Variants in MROH7 observed in about 807,000 individuals in gnomAD.
MROH7 encodes the protein maestro heat like repeat family member 7.
A neutral mutation model predicts 129.2 loss-of-function variants in MROH7; 113 were observed. That is an observed-to-expected ratio of 0.87 (90% confidence interval 0.75 to 1.02). MROH7 has a LOEUF of 1.02. MROH7 is among the 50% of genes least tolerant of loss of function. MROH7 has a pLI of 0.00. For missense variants in MROH7, 1,601 were observed against 1,671.3 expected (o/e 0.96, Z 0.73); for synonymous variants, 655 against 667.9 (o/e 0.98, Z 0.30).
intron 1 of MROH7, among the ~76,000 whole-genome samples, chr1:54,648,391 G>T (rs1287452712): frequency 6.7e-6 from 1 of 148,596 alleles, no homozygotes; most frequent in African/African-American, 2.5e-5. Flanking sequence ...TTGAGACGGA[G>T]TTTCGCTCCT....
intron 15 of MROH7, among the ~76,000 whole-genome samples, chr1:54,692,045 T>G (rs922646680): frequency 3.3e-5 from 5 of 152,124 alleles, no homozygotes; most frequent in Admixed American, 3.3e-4. Flanking sequence ...GTGCTGCTGC[T>G]GGGTATGCAG....
intron 1 of MROH7, among the ~76,000 whole-genome samples, chr1:54,651,018 C>T (rs1219733707): frequency 6.6e-6 from 1 of 152,200 alleles, no homozygotes; most frequent in Non-Finnish European, 1.5e-5. Flanking sequence ...AGCCCCTGCA[C>T]CCAGCTGCAC....
At chr1:54,691,565 G>A (rs1332786562) in intron 15 of MROH7, among the ~76,000 whole-genome samples, 2 of 152,130 alleles carry the variant, frequency 1.3e-5, no homozygotes, top group Non-Finnish European at 2.9e-5. Context: ...CAGCACTTTG[G>A]GAGGCTGAGG....
chr1:54,670,471 C>T (rs763823610), intron 5 of MROH7, 26 bp from the exon 6 acceptor site: 189 of 1,607,084 alleles, frequency 1.2e-4, no homozygotes, highest in Admixed American at 9.0e-4. Context: ...CTGTCCTCAT[C>T]GGCCCTTCTG....
At chr1:54,645,895 C>T (rs970687615) in intron 1 of MROH7, among the ~76,000 whole-genome samples, 1 of 151,800 alleles carries the variant, frequency 6.6e-6, no homozygotes, top group African/African-American at 2.4e-5. Flanking sequence ...TCAAATGATC[C>T]ACCCACCTCT....
At chr1:54,661,669 C>T (rs1186511852) in intron 3 of MROH7, among the ~76,000 whole-genome samples, 3 of 151,964 alleles carry the variant, frequency 2.0e-5, no homozygotes, top group Non-Finnish European at 4.4e-5. Context: ...AATCTTGGCT[C>T]ACTATAACCT....
chr1:54,691,803 A>AAGTGTGTGTGTGT (rs778263944), intron 15 of MROH7, among the ~76,000 whole-genome samples: 3 of 104,188 alleles, frequency 2.9e-5, no homozygotes, highest in African/African-American at 1.2e-4. Flanking sequence ...AAAAAAAAAA[A>AAGTGTGTGTGTGT]GTGTGTGTGT....
intron 17 of MROH7, chr1:54,695,702 C>G (rs919648505): frequency 1.3e-5 from 8 of 602,374 alleles, no homozygotes; most frequent in Non-Finnish European, 2.1e-5. Context: ...CCAGACTCCC[C>G]TAGTGCCCAG....
chr1:54,678,340 G>A (rs961924318), intron 10 of MROH7, among the ~76,000 whole-genome samples: 6 of 152,200 alleles, frequency 3.9e-5, no homozygotes, highest in Non-Finnish European at 7.3e-5. Flanking sequence ...CTTTCATACT[G>A]TGGGAAATTA....
rs777810091 is a variant in MROH7, at chr1:54,678,776, G to A, written c.1971G>A (p.Glu657=). The A allele has an allele frequency of 1.2e-6, 2 of 1,614,106 alleles. No individual in the cohort carries two copies. The highest frequency in any genetic ancestry group is 8.5e-7 in the Non-Finnish European group (1 of 1,179,994). The part of the protein sequence containing the change: ...ARDKEETNKK[E]LYESNKHFLG... ...ATAAGGAAGAGACCAACAAAAAGGA[G>A]CTATATGAGAGCAACAAGCATTTCC... is the stretch of plus-strand genomic sequence containing the variant. The change falls in exon 11 of 24, where the codon GAG becomes GAA. Residue 657 remains glutamate (E), a synonymous_variant. Transcript: ENST00000421030.
chr1:54,682,861 T>C, intron 14 of MROH7, 67 bp downstream of exon 14: 1 of 1,560,142 alleles, frequency 6.4e-7, no homozygotes, highest in Non-Finnish European at 8.6e-7. Flanking sequence ...TCCCTCCTGC[T>C]GAGCTAAGCA....
At chr1:54,670,994 T>C in intron 7 of MROH7, 65 bp downstream of exon 7, 1 of 1,507,440 alleles carries the variant, frequency 6.6e-7, no homozygotes, top group African/African-American at 1.4e-5. Context: ...GATATGGAGC[T>C]GCATCCTCCG....
chr1:54,670,221 C>A (rs563620373), intron 5 of MROH7, among the ~76,000 whole-genome samples: 1 of 152,296 alleles, frequency 6.6e-6, no homozygotes, highest in African/African-American at 2.4e-5. Flanking sequence ...TTAATCCCAG[C>A]ATTTTGGGAG....
rs535089535 is a variant in MROH7 at position 54,706,569 on chromosome 1, C to T, written c.3667+32C>T. On this transcript the variant is annotated intron_variant, in intron 22 of 23. Coordinates refer to ENST00000421030, the MANE Select transcript of MROH7 (RefSeq NM_001039464.4). Reference sequence around the variant, plus strand: ...TGCCCTGGCATAAGTCATCCTGCTGCCAGGGCTCTGCCTGCTCTCCAGTTT... The same window carrying T: ...TGCCCTGGCATAAGTCATCCTGCTGTCAGGGCTCTGCCTGCTCTCCAGTTT... 146 of 1,507,740 alleles carry T rather than the reference C, an allele frequency of 9.7e-5. No individual in the cohort carries two copies. The East Asian group carries it at 2.6e-3, about 27-fold the overall frequency. The allele number at this position is 1,507,740 out of a possible 1,614,324, so 93.4% of individuals were successfully genotyped here. A position where few individuals can be genotyped will look rare whatever the true frequency, so the allele number is the denominator to read the frequency against.
intron 22 of MROH7, among the ~76,000 whole-genome samples, chr1:54,708,006 C>T (rs749846192): frequency 2.4e-4 from 37 of 152,072 alleles, no homozygotes; most frequent in Non-Finnish European, 4.4e-4. Context: ...GAGAAAAGCT[C>T]GCAGATACTC....
intron 17 of MROH7, chr1:54,698,797 C>CT (rs202069655): frequency 0.01 from 1,475 of 141,832 alleles, 12 homozygotes; most frequent in Admixed American, 0.016. Context: ...AAGTTTCTTT[C>CT]TTTTTTTTTT....
At position 54,673,106 on chromosome 1, in the gene MROH7, AC is replaced by A; in HGVS notation, c.1618del (p.Leu540TrpfsTer21). 1 of 1,613,342 alleles carries A rather than the reference AC, an allele frequency of 6.2e-7. No homozygotes were observed. The highest frequency in any genetic ancestry group is 8.5e-7 in the Non-Finnish European group (1 of 1,179,672). ...AETIQALYHQTLEALQTLLKA... is the reference protein window; with the variant it reads ...AETIQALYHQXLEALQTLLKA... ...CCATCCACAGGCTCTTTACCATCAG[AC>A]CCTGGAGGCCCTGCAGACACTGCTC... On this transcript the variant is annotated frameshift_variant, in exon 8 of 24. Coordinates refer to ENST00000421030, the MANE Select transcript of MROH7 (RefSeq NM_001039464.4). LOFTEE classifies it high-confidence loss of function.
At chr1:54,666,477 C>G (rs760494853) in intron 4 of MROH7, among the ~76,000 whole-genome samples, 1 of 131,030 alleles carries the variant, frequency 7.6e-6, no homozygotes, top group African/African-American at 2.9e-5. Context: ...CTCTGTCACT[C>G]GGGCTGGAGT....
At chr1:54,706,321 C>A (rs1482856692) in intron 21 of MROH7, 114 bp from the exon 22 acceptor site, 2 of 736,540 alleles carry the variant, frequency 2.7e-6, no homozygotes, top group Non-Finnish European at 4.8e-6. Flanking sequence ...GCAGAGGGAG[C>A]AGATATATTT....
Sources: gnomAD v4.1 joint callset for allele counts (sites outside exome capture counted in the v4.1 genomes callset) on GRCh38, gnomAD v4.1.1 for gene constraint, MANE v1.5 for transcripts, NCBI Gene and HGNC (gene_info 2026-07-23, HGNC 2026-07-21) for gene names.